The following TOM1 variants were observed in gnomAD, a reference collection of about 807,000 sequenced individuals.
TOM1 encodes target of myb1 membrane trafficking protein.
Under a neutral mutation model 61.3 loss-of-function variants are expected in TOM1, and 38 were observed. The ratio of observed to expected loss-of-function variants is 0.62; its 90% CI spans 0.48 to 0.81. The LOEUF (loss-of-function observed/expected upper bound fraction) is 0.81. TOM1 is among the 40% of genes least tolerant of loss of function. The pLI is 0.00. For missense variants in TOM1, 591 were observed against 659.6 expected, an observed-to-expected ratio of 0.90 and a Z score of 1.14; for synonymous variants, 270 against 268.8, an observed-to-expected ratio of 1.00 and a Z score of -0.04.
chr22:35,304,542 G>C (rs547530409), intron 1 of TOM1, among the ~76,000 whole-genome samples: 2 of 152,064 alleles, frequency 1.3e-5, no homozygotes, highest in Non-Finnish European at 2.9e-5. Context: ...GCAGTGGCGC[G>C]ATCTCGGCTC....
chr22:35,344,143 C>G (rs985403144), intron 12 of TOM1: 1 of 152,304 alleles, frequency 6.6e-6, no homozygotes, highest in Non-Finnish European at 1.5e-5. Context: ...AAGCCGCGCC[C>G]TCCAGTGGCC....
intron 1 of TOM1, among the ~76,000 whole-genome samples, chr22:35,303,149 C>CA (rs3219783): frequency 3.3e-5 from 5 of 150,382 alleles, no homozygotes; most frequent in African/African-American, 1.2e-4. Context: ...CACACACACA[C>CA]CCCTTTGTGC....
At chr22:35,336,608 C>T (rs1218619528) in intron 11 of TOM1, 1 of 152,308 alleles carries the variant, frequency 6.6e-6, no homozygotes, top group East Asian at 1.9e-4. Flanking sequence ...GTGTCCTTCC[C>T]CCGCTTTGTC....
upstream of TOM1, chr22:35,299,870 T>G: frequency 6.5e-7 from 1 of 1,546,308 alleles, no homozygotes; most frequent in Non-Finnish European, 8.8e-7. Context: ...GACGGGTCGG[T>G]GGCGCTGGCG....
chr22:35,339,294 G>A (rs920810197), intron 12 of TOM1, among the ~76,000 whole-genome samples: 1 of 152,030 alleles, frequency 6.6e-6, no homozygotes, highest in Non-Finnish European at 1.5e-5. Flanking sequence ...TTGTGCTACT[G>A]CACTCCAGCC....
intron 12 of TOM1, among the ~76,000 whole-genome samples, chr22:35,341,245 C>T (rs982588659): frequency 6.6e-6 from 1 of 152,222 alleles, no homozygotes; most frequent in Non-Finnish European, 1.5e-5. Flanking sequence ...AGTGAAACCA[C>T]AGGTGTACTG....
chr22:35,313,888 G>C (rs979397105), intron 1 of TOM1, among the ~76,000 whole-genome samples: 1 of 152,236 alleles, frequency 6.6e-6, no homozygotes, highest in Non-Finnish European at 1.5e-5. Flanking sequence ...TGGAAGACAA[G>C]AGCACAGCTG....
chr22:35,340,211 G>T (rs1470984382), intron 12 of TOM1, among the ~76,000 whole-genome samples: 1 of 152,228 alleles, frequency 6.6e-6, no homozygotes, highest in Non-Finnish European at 1.5e-5. Flanking sequence ...GTCCGGGGGA[G>T]TGAGGGTGGT....
intron 1 of TOM1, among the ~76,000 whole-genome samples, chr22:35,305,960 G>A (rs1465634668): frequency 1.3e-5 from 2 of 152,130 alleles, no homozygotes; most frequent in Admixed American, 6.5e-5. Flanking sequence ...GTAAATACTT[G>A]TGGCTTCGTG....
At chr22:35,329,806 C>T (rs1928657874) in intron 7 of TOM1, among the ~76,000 whole-genome samples, 1 of 152,184 alleles carries the variant, frequency 6.6e-6, no homozygotes, top group African/African-American at 2.4e-5. Context: ...AAACCGGCAG[C>T]ACAGTTGGAC....
chr22:35,346,335 T>A (rs1051386559), intron 13 of TOM1, among the ~76,000 whole-genome samples: 3 of 152,224 alleles, frequency 2.0e-5, no homozygotes, highest in Middle Eastern at 3.2e-3. Flanking sequence ...TGCCACCCCG[T>A]CTCTGGGCAC....
intron 1 of TOM1, among the ~76,000 whole-genome samples, chr22:35,310,611 T>C (rs535799856): frequency 1.3e-5 from 2 of 152,290 alleles, no homozygotes; most frequent in South Asian, 4.1e-4. Context: ...TTCCACACAA[T>C]AGCTAGTAAG....
intron 1 of TOM1, among the ~76,000 whole-genome samples, chr22:35,312,576 A>G (rs73170199): frequency 0.051 from 7,736 of 152,306 alleles, 333 homozygotes; most frequent in Admixed American, 0.09. Flanking sequence ...CTGCAGGCAA[A>G]TTGCTGCCTT....
At chr22:35,330,022 G>A (rs1458650151) in intron 7 of TOM1, among the ~76,000 whole-genome samples, 1 of 152,148 alleles carries the variant, frequency 6.6e-6, no homozygotes, top group Non-Finnish European at 1.5e-5. Flanking sequence ...GCTCACGCCT[G>A]TAATCCCAGC....
intron 2 of TOM1, among the ~76,000 whole-genome samples, chr22:35,318,901 G>A (rs1927535731): frequency 6.6e-6 from 1 of 152,238 alleles, no homozygotes; most frequent in Non-Finnish European, 1.5e-5. Context: ...CTCAGCCCGG[G>A]AGGGCTTTGC....
chr22:35,338,234 T>A (rs1929550752), intron 11 of TOM1, among the ~76,000 whole-genome samples: 1 of 152,140 alleles, frequency 6.6e-6, no homozygotes, highest in African/African-American at 2.4e-5. Flanking sequence ...GAGTCATCTT[T>A]GTGCTGGTGA....
Position 35,299,938 on chromosome 22 carries a change from C to A in TOM1, c.10C>A (p.Leu4Ile), listed in dbSNP as rs572369052. Reference protein sequence around the residue: MDFLLGNPFSSPVG... With the variant: MDFILGNPFSSPVG... ...AGCGGCGGTAGCAGCAATGGACTTT[C>A]TCCTGGGGAACCCGTTCAGCTCTCC... The change falls in exon 1 of 15, where the codon CTC becomes ATC. Residue 4 changes from leucine (L) to isoleucine (I), a missense_variant. Physicochemically the swap from Leu to Ile is conservative, Grantham distance 5 (BLOSUM62 2). Coordinates refer to ENST00000449058, the MANE Select transcript of TOM1 (RefSeq NM_005488.3). 16 of 1,584,042 alleles carry A rather than the reference C, an allele frequency of 1.0e-5. No individual in the cohort carries two copies. Among genetic ancestry groups the A allele is most frequent in the Middle Eastern group, 1.7e-4 (1 of 6,014 alleles).
chr22:35,343,451 C>CAT (rs1930160360), intron 12 of TOM1, among the ~76,000 whole-genome samples: 1 of 146,994 alleles, frequency 6.8e-6, no homozygotes, highest in Non-Finnish European at 1.5e-5. Flanking sequence ...ACCACACACA[C>CAT]CTACACACAC....
intron 12 of TOM1, 88 bp downstream of exon 12, chr22:35,338,876 C>A: frequency 7.9e-7 from 1 of 1,259,520 alleles, no homozygotes; most frequent in South Asian, 1.5e-5. Context: ...GTGGGCCAAG[C>A]ACTGGCCCAG....
Sources: allele counts gnomAD v4.1 joint callset (sites outside exome capture counted in the v4.1 genomes callset), GRCh38; gene constraint gnomAD v4.1.1; transcripts MANE v1.5; gene names NCBI Gene and HGNC (gene_info 2026-07-23, HGNC 2026-07-21).